NFIA: variants seen among roughly 807,000 people sequenced by gnomAD.
NFIA encodes nuclear factor 1 A-type.
A neutral mutation model predicts 62.8 loss-of-function variants in NFIA; 8 were observed. The observed-to-expected ratio is 0.13, with a 90% confidence interval of 0.07 to 0.23. NFIA has a LOEUF of 0.23. NFIA is among the 10% of genes least tolerant of loss of function. NFIA has a pLI of 1.00. For synonymous variants in NFIA, 235 were observed against 238.1 expected, an observed-to-expected ratio of 0.99 and a Z score of 0.12; for missense variants, 410 against 642.1, an observed-to-expected ratio of 0.64 and a Z score of 3.91.
intron 3 of NFIA, among the ~76,000 whole-genome samples, chr1:61,295,264 A>G (rs1490948115): frequency 6.6e-6 from 1 of 152,220 alleles, no homozygotes; most frequent in Admixed American, 6.5e-5. Flanking sequence ...GCTGACTGAC[A>G]TGAAGAGATC....
At chr1:61,203,599 A>G (rs1652681544) in intron 2 of NFIA, among the ~76,000 whole-genome samples, 1 of 152,034 alleles carries the variant, frequency 6.6e-6, no homozygotes, top group South Asian at 2.1e-4. Context: ...GCCTTCCTTG[A>G]TTAGCCTTCT....
chr1:61,281,815 CT>C (rs1658152075), intron 3 of NFIA, among the ~76,000 whole-genome samples: 1 of 152,040 alleles, frequency 6.6e-6, no homozygotes, highest in African/African-American at 2.4e-5. Context: ...TGACAAATTC[CT>C]TTTAAAAAAA....
intron 2 of NFIA, among the ~76,000 whole-genome samples, chr1:61,090,714 T>C (rs749973201): frequency 6.6e-6 from 1 of 152,222 alleles, no homozygotes; most frequent in Non-Finnish European, 1.5e-5. Flanking sequence ...ACTCTTCGGT[T>C]TGGTTTTCCT....
intron 7 of NFIA, 97 bp from the exon 8 acceptor site, chr1:61,404,007 G>C: frequency 7.2e-7 from 1 of 1,379,384 alleles, no homozygotes; most frequent in Non-Finnish European, 1.0e-6. Context: ...ATTGTGAATC[G>C]GGCCAGGAAG....
intron 2 of NFIA, among the ~76,000 whole-genome samples, chr1:61,111,935 G>C (rs1646700356): frequency 6.6e-6 from 1 of 152,140 alleles, no homozygotes; most frequent in Admixed American, 6.5e-5. Context: ...TCTTTCAGAA[G>C]TGAGTTAGTA....
At chr1:61,144,782 A>C (rs908605458) in intron 2 of NFIA, among the ~76,000 whole-genome samples, 1 of 152,222 alleles carries the variant, frequency 6.6e-6, no homozygotes, top group Non-Finnish European at 1.5e-5. Context: ...TGCTCAGAGA[A>C]CAAGTCTTTG....
chr1:61,383,863 A>G (rs1257095977), intron 7 of NFIA, among the ~76,000 whole-genome samples: 7 of 152,226 alleles, frequency 4.6e-5, no homozygotes, highest in Admixed American at 6.5e-5. Flanking sequence ...GGTTGTTTGC[A>G]TCAGGGTGTT....
At chr1:61,184,785 G>C (rs776547096) in intron 2 of NFIA, among the ~76,000 whole-genome samples, 5 of 147,348 alleles carry the variant, frequency 3.4e-5, no homozygotes, top group Non-Finnish European at 5.9e-5. Context: ...AGCTTTCTTA[G>C]AGAAACGAGA....
intron 4 of NFIA, 51 bp from the exon 5 acceptor site, chr1:61,352,398 AT>A (rs1468528190): frequency 8.3e-6 from 11 of 1,329,646 alleles, no homozygotes; most frequent in African/African-American, 7.3e-5. Context: ...GCTGTCATTG[AT>A]TTTTTTATCC....
At chr1:61,315,783 G>A (rs1660336370) in intron 3 of NFIA, among the ~76,000 whole-genome samples, 1 of 152,236 alleles carries the variant, frequency 6.6e-6, no homozygotes, top group East Asian at 1.9e-4. Flanking sequence ...CAATAAGGAC[G>A]GGTCATTTTG....
chr1:61,386,852 C>T (rs1355324367), intron 7 of NFIA, among the ~76,000 whole-genome samples: 1 of 152,164 alleles, frequency 6.6e-6, no homozygotes, highest in African/African-American at 2.4e-5. Context: ...ATGTATTGCT[C>T]ACAGTTCTAG....
At chr1:61,397,047 CGTG>C (rs1665317959) in intron 7 of NFIA, among the ~76,000 whole-genome samples, 1 of 151,544 alleles carries the variant, frequency 6.6e-6, no homozygotes, top group African/African-American at 2.4e-5. Flanking sequence ...CAGGGGCCTA[CGTG>C]GTGAAGAGGG....
chr1:61,089,418 G>A (rs936750307), intron 2 of NFIA, among the ~76,000 whole-genome samples: 1 of 152,052 alleles, frequency 6.6e-6, no homozygotes, highest in African/African-American at 2.4e-5. Flanking sequence ...TCTTACCTGT[G>A]CATGTTTCAG....
At chr1:61,345,401 C>T (rs140058865) in intron 4 of NFIA, among the ~76,000 whole-genome samples, 1 of 152,268 alleles carries the variant, frequency 6.6e-6, no homozygotes, top group African/African-American at 2.4e-5. Context: ...AGCTCTAGGA[C>T]CTGTAGGATT....
At chr1:61,349,353 GT>G (rs893087307) in intron 4 of NFIA, among the ~76,000 whole-genome samples, 12 of 152,152 alleles carry the variant, frequency 7.9e-5, no homozygotes, top group African/African-American at 2.9e-4. Flanking sequence ...TATATTGACA[GT>G]TGTGATTAAG....
intron 3 of NFIA, among the ~76,000 whole-genome samples, chr1:61,313,157 T>C (rs1484954531): frequency 6.6e-6 from 1 of 152,176 alleles, no homozygotes; most frequent in Non-Finnish European, 1.5e-5. Flanking sequence ...TTCAGTGGTA[T>C]TGATAAGGAA....
intron 3 of NFIA, among the ~76,000 whole-genome samples, chr1:61,287,408 G>A (rs1658573514): frequency 6.6e-6 from 1 of 152,168 alleles, no homozygotes; most frequent in African/African-American, 2.4e-5. Context: ...AATGGAGGTC[G>A]AAATCTGTGG....
intron 6 of NFIA, among the ~76,000 whole-genome samples, chr1:61,369,785 T>C (rs532697834): frequency 6.6e-6 from 1 of 152,230 alleles, no homozygotes; most frequent in East Asian, 1.9e-4. Context: ...TGCACACATA[T>C]ATAAATATAT....
chr1:61,161,103 T>A (rs1649168893), intron 2 of NFIA, among the ~76,000 whole-genome samples: 6 of 152,122 alleles, frequency 3.9e-5, no homozygotes, highest in Admixed American at 3.9e-4. Flanking sequence ...TTAGTAGCGA[T>A]GGGATTTCAC....
Sources: gnomAD v4.1 joint callset for allele counts (sites outside exome capture counted in the v4.1 genomes callset) on GRCh38, gnomAD v4.1.1 for gene constraint, MANE v1.5 for transcripts, NCBI Gene and HGNC (gene_info 2026-07-23, HGNC 2026-07-21) for gene names.